RHOU: variants seen among roughly 807,000 people sequenced by gnomAD.
RHOU encodes ras homolog family member U.
A neutral mutation model predicts 12.6 loss-of-function variants in RHOU; 8 were observed. That is an observed-to-expected ratio of 0.64 (90% CI 0.37 to 1.15). RHOU has a LOEUF of 1.15. Ranked by LOEUF, RHOU falls within the 50% of genes most tolerant of loss-of-function variation. The probability of loss-of-function intolerance (pLI) is 0.01; values close to 1 mark genes in which losing one functional copy is unlikely to be tolerated. For missense variants in RHOU, 258 were observed against 347.0 expected, an observed-to-expected ratio of 0.74 and a Z score of 2.04; for synonymous variants, 161 against 147.4, an observed-to-expected ratio of 1.09 and a Z score of -0.67.
At chr1:228,654,537 G>A in the RHOU span, among the ~76,000 whole-genome samples, 14 of 152,342 alleles carry the variant, frequency 9.2e-5, no homozygotes, top group African/African-American at 2.6e-4. Flanking sequence ...GCTTCATGAT[G>A]TGGGCAGCTT....
chr1:228,682,523 A>G, the RHOU span, among the ~76,000 whole-genome samples: 1 of 152,118 alleles, frequency 6.6e-6, no homozygotes, highest in African/African-American at 2.4e-5. Context: ...GTTAGGAGCA[A>G]TGTTTTCCAG....
the RHOU span, among the ~76,000 whole-genome samples, chr1:228,726,067 TTC>T: frequency 6.6e-6 from 1 of 152,242 alleles, no homozygotes; most frequent in Non-Finnish European, 1.5e-5. Context: ...CATGGGTTTC[TTC>T]TCTCTTTTTT....
At chr1:228,660,353 A>T in the RHOU span, among the ~76,000 whole-genome samples, 1 of 150,778 alleles carries the variant, frequency 6.6e-6, no homozygotes, top group African/African-American at 2.5e-5. Flanking sequence ...ACCGAAAAAA[A>T]TAAAAAAAAA....
the RHOU span, among the ~76,000 whole-genome samples, chr1:228,657,279 CA>C: frequency 0.35 from 9,977 of 28,234 alleles, 276 homozygotes; most frequent in Middle Eastern, 0.44. Context: ...AACTCCATCT[CA>C]AAAAAAAAAA....
chr1:228,730,261 G>A, the RHOU span, among the ~76,000 whole-genome samples: 1 of 152,202 alleles, frequency 6.6e-6, no homozygotes, highest in South Asian at 2.1e-4. Context: ...CAGGATACTG[G>A]TGGGAACTTG....
the RHOU span, among the ~76,000 whole-genome samples, chr1:228,646,462 C>A: frequency 5.8e-5 from 4 of 68,644 alleles, no homozygotes; most frequent in African/African-American, 2.5e-4. Context: ...CTGCGAGGCC[C>A]CCTCTTGCCC....
At chr1:228,714,396 C>T in the RHOU span, among the ~76,000 whole-genome samples, 1 of 152,172 alleles carries the variant, frequency 6.6e-6, no homozygotes, top group Admixed American at 6.5e-5. Flanking sequence ...GTAGAGATTA[C>T]CTTATCTTTG....
chr1:228,707,586 C>A, the RHOU span, among the ~76,000 whole-genome samples: 52 of 152,080 alleles, frequency 3.4e-4, no homozygotes, highest in Non-Finnish European at 6.3e-4. Flanking sequence ...AGCAGACCTG[C>A]AGCTGAGGGT....
At chr1:228,659,975 A>C in the RHOU span, among the ~76,000 whole-genome samples, 19 of 151,416 alleles carry the variant, frequency 1.3e-4, no homozygotes, top group South Asian at 2.1e-4. Flanking sequence ...ACAAAAAAAA[A>C]AAAAAACAAG....
the RHOU span, among the ~76,000 whole-genome samples, chr1:228,663,857 T>C: frequency 2.0e-5 from 3 of 151,536 alleles, no homozygotes; most frequent in African/African-American, 7.3e-5. Context: ...GGTCCCGAAC[T>C]CCTGACCTCA....
chr1:228,647,509 A>G, the RHOU span, among the ~76,000 whole-genome samples: 1 of 152,206 alleles, frequency 6.6e-6, no homozygotes, highest in African/African-American at 2.4e-5. Context: ...CGGGTAAAGC[A>G]GTCCATGCGT....
In RHOU at chr1:228,737,988, T is replaced by G. The variant is rs1263431768; in HGVS notation, c.321+257T>G. 1.3e-5 allele frequency among the ~76,000 whole-genome samples: 2 copies of G among 152,184 alleles called. No individual in the cohort carries two copies. The highest frequency in any genetic ancestry group is 6.5e-5 in the Admixed American group (1 of 15,282). On this transcript the variant is annotated intron_variant, in intron 2 of 2. Coordinates refer to ENST00000366691, the MANE Select transcript of RHOU (RefSeq NM_021205.6). This position sits in a 1 kb window ranked among gnomAD's most constrained non-coding sequence, Gnocchi z 4.1. ...TAACCAGGCAAGGGAGGAAGCAGTG[T>G]CAAGAACAGCTCTTGTAGGAGTTTC... is the stretch of plus-strand genomic sequence containing the variant.
Position 228,735,864 on chromosome 1 carries a change from G to T in RHOU, c.122G>T (p.Arg41Leu). ...RGPGEPGGRGRAGGAEGRGVK... is the reference protein window; with the variant it reads ...RGPGEPGGRGLAGGAEGRGVK... ...CCTGGGGAGCCGGGGGGCCGGGGGC[G>T]TGCGGGGGGTGCCGAGGGGCGCGGC... The change falls in exon 1 of 3, where the codon CGT (arginine) becomes CTT (leucine). Residue 41 changes from arginine to leucine, a missense_variant. By Grantham distance (102) the Arg-to-Leu change is moderately radical. Transcript: ENST00000366691. The surrounding 1 kb of genome is among the most constrained non-coding windows in gnomAD (Gnocchi z 8.1). 3 of 1,443,104 alleles carry T rather than the reference G, an allele frequency of 2.1e-6. No individual in the cohort carries two copies. The highest frequency in any genetic ancestry group is 9.1e-7 in the Non-Finnish European group (1 of 1,101,204). The allele number at this position is 1,443,104 out of a possible 1,614,324, so 89.4% of individuals were successfully genotyped here.
the RHOU span, among the ~76,000 whole-genome samples, chr1:228,676,018 A>G: frequency 1.8e-4 from 27 of 152,294 alleles, no homozygotes; most frequent in Non-Finnish European, 5.9e-5. Flanking sequence ...CAGAAATAGC[A>G]TATATGGCAT....
At chr1:228,660,933 CAA>C in the RHOU span, among the ~76,000 whole-genome samples, 27,447 of 116,336 alleles carry the variant, frequency 0.24, 2,700 homozygotes, top group South Asian at 0.31. Context: ...AACTCTGTCT[CAA>C]AAAAAAAAAA....
chr1:228,716,816 GT>G, the RHOU span, among the ~76,000 whole-genome samples: 2 of 151,874 alleles, frequency 1.3e-5, no homozygotes, highest in East Asian at 3.9e-4. Flanking sequence ...CAAAAAATAT[GT>G]TTTTTTCAGT....
the RHOU span, among the ~76,000 whole-genome samples, chr1:228,682,529 T>C: frequency 1.3e-5 from 2 of 152,104 alleles, no homozygotes; most frequent in African/African-American, 4.8e-5. Context: ...AGCAATGTTT[T>C]CCAGGCAGGG....
chr1:228,676,029 G>T, the RHOU span, among the ~76,000 whole-genome samples: 1 of 152,112 alleles, frequency 6.6e-6, no homozygotes, highest in Non-Finnish European at 1.5e-5. Context: ...TATATGGCAT[G>T]TTATGGCTAC....
chr1:228,740,630 C>T (rs1662702083), intron 2 of RHOU, among the ~76,000 whole-genome samples: 1 of 152,216 alleles, frequency 6.6e-6, no homozygotes. Context: ...TGCCAAGTTT[C>T]CTTATGGAGG....
Sources: gnomAD v4.1 joint callset for allele counts (sites outside exome capture counted in the v4.1 genomes callset) on GRCh38, gnomAD v4.1.1 for gene constraint, Gnocchi (gnomAD v3.1) non-coding constraint, MANE v1.5 for transcripts, NCBI Gene and HGNC (gene_info 2026-07-23, HGNC 2026-07-21) for gene names.